The following GPC5 variants were observed in gnomAD, a reference collection of about 807,000 sequenced individuals.
GPC5 encodes the protein glypican-5.
In GPC5, 47 loss-of-function variants were observed where a neutral mutation model predicts 53.9. The ratio of observed to expected loss-of-function variants is 0.87; its 90% CI spans 0.69 to 1.11. The LOEUF is 1.11. Among genes scored for constraint, GPC5 ranks in the 50% most tolerant of loss-of-function variants. GPC5 has a pLI of 0.00. For missense variants in GPC5, 748 were observed against 713.1 expected, an observed-to-expected ratio of 1.05 and a Z score of -0.56; for synonymous variants, 286 against 263.3, an observed-to-expected ratio of 1.09 and a Z score of -0.84.
At chr13:91,403,571 C>G (rs1179558922) in intron 1 of GPC5, among the ~76,000 whole-genome samples, 1 of 152,136 alleles carries the variant, frequency 6.6e-6, no homozygotes, top group Non-Finnish European at 1.5e-5. Flanking sequence ...TTGTCCTCAT[C>G]CTTTTATACC....
At chr13:91,763,603 T>C (rs1408575455) in intron 5 of GPC5, among the ~76,000 whole-genome samples, 2 of 152,164 alleles carry the variant, frequency 1.3e-5, no homozygotes, top group Non-Finnish European at 2.9e-5. Context: ...ACATTCTAGG[T>C]TCAATTAGAC....
intron 7 of GPC5, among the ~76,000 whole-genome samples, chr13:92,724,869 T>TACATATAC (rs1204987708): frequency 1.2e-5 from 1 of 85,368 alleles, no homozygotes; most frequent in African/African-American, 4.0e-5. Context: ...TTAAGTGTCC[T>TACATATAC]ACACATACAC....
chr13:91,855,372 C>T (rs1359592138), intron 5 of GPC5, among the ~76,000 whole-genome samples: 1 of 151,510 alleles, frequency 6.6e-6, no homozygotes, highest in Non-Finnish European at 1.5e-5. Flanking sequence ...TATACTTTCC[C>T]CCAGCCATTA....
intron 2 of GPC5, among the ~76,000 whole-genome samples, chr13:91,452,831 G>A (rs1054931542): frequency 2.6e-5 from 4 of 151,790 alleles, no homozygotes; most frequent in African/African-American, 7.3e-5. Context: ...TATTTTAGAG[G>A]ACACTATTGG....
intron 6 of GPC5, among the ~76,000 whole-genome samples, chr13:92,074,112 C>T (rs1201614764): frequency 6.6e-6 from 1 of 152,074 alleles, no homozygotes; most frequent in African/African-American, 2.4e-5. Flanking sequence ...GCTGAAACAT[C>T]GTGAGTGAAT....
chr13:91,520,416 A>G (rs1389270481), intron 2 of GPC5, among the ~76,000 whole-genome samples: 1 of 152,180 alleles, frequency 6.6e-6, no homozygotes, highest in Non-Finnish European at 1.5e-5. Context: ...TAGACTTTGA[A>G]TAAAGTAGAT....
intron 3 of GPC5, among the ~76,000 whole-genome samples, chr13:91,725,399 T>C (rs2036556115): frequency 6.6e-6 from 1 of 152,142 alleles, no homozygotes; most frequent in South Asian, 2.1e-4. Context: ...GTACTAGTAT[T>C]GAAAGGTGCC....
intron 6 of GPC5, chr13:92,060,105 A>T (rs2138851474): frequency 1.3e-5 from 2 of 152,048 alleles, no homozygotes; most frequent in Non-Finnish European, 2.9e-5. Context: ...TAGAGTGCTG[A>T]TATGATTTTT....
intron 6 of GPC5, among the ~76,000 whole-genome samples, chr13:92,071,315 A>G (rs1323038860): frequency 6.6e-6 from 1 of 152,178 alleles, no homozygotes; most frequent in African/African-American, 2.4e-5. Context: ...GTACAATTCA[A>G]AAGTTAGCTG....
chr13:91,992,955 T>C (rs939864189), intron 6 of GPC5, among the ~76,000 whole-genome samples: 1 of 152,190 alleles, frequency 6.6e-6, no homozygotes, highest in African/African-American at 2.4e-5. Context: ...AATAAGATAG[T>C]TGTAACACAA....
chr13:91,795,455 T>G (rs2038031966), intron 5 of GPC5, among the ~76,000 whole-genome samples: 1 of 152,184 alleles, frequency 6.6e-6, no homozygotes, highest in African/African-American at 2.4e-5. Flanking sequence ...TAAATAGATA[T>G]TTTTATTGCT....
At chr13:91,541,104 A>C (rs749842802) in intron 2 of GPC5, among the ~76,000 whole-genome samples, 25 of 152,296 alleles carry the variant, frequency 1.6e-4, no homozygotes, top group Admixed American at 3.3e-4. Context: ...AATCAGTGTT[A>C]AGTCATAAGC....
chr13:92,838,872 A>C (rs534576447), intron 7 of GPC5, among the ~76,000 whole-genome samples: 1 of 152,346 alleles, frequency 6.6e-6, no homozygotes, highest in Admixed American at 6.5e-5. Flanking sequence ...CAAGTCAAAA[A>C]ATAACTCTAC....
chr13:92,462,718 C>CT (rs35798030), intron 7 of GPC5, among the ~76,000 whole-genome samples: 60,079 of 136,758 alleles, frequency 0.44, 13,325 homozygotes, highest in Admixed American at 0.54. Context: ...TTGTTCATGT[C>CT]TTTTTTTTTT....
At chr13:92,128,960 T>C (rs879145643) in intron 6 of GPC5, among the ~76,000 whole-genome samples, 57 of 151,912 alleles carry the variant, frequency 3.8e-4, no homozygotes, top group African/African-American at 1.4e-3. Flanking sequence ...GAGACTCCAT[T>C]TCAAAATAAA....
chr13:91,482,773 G>A (rs1055491005), intron 2 of GPC5, among the ~76,000 whole-genome samples: 5 of 151,984 alleles, frequency 3.3e-5, no homozygotes, highest in Admixed American at 1.3e-4. Context: ...CAATAGATGT[G>A]TGCGGTGGTC....
intron 6 of GPC5, among the ~76,000 whole-genome samples, chr13:92,026,828 T>C (rs2040804859): frequency 1.3e-5 from 2 of 152,146 alleles, no homozygotes; most frequent in Admixed American, 1.3e-4. Context: ...TCTGTGTCCA[T>C]AACAAAGATT....
intron 6 of GPC5, among the ~76,000 whole-genome samples, chr13:91,943,872 T>G (rs919833783): frequency 1.3e-5 from 2 of 152,146 alleles, no homozygotes; most frequent in African/African-American, 4.8e-5. Context: ...AAATGACTTT[T>G]TTTTTTAAGA....
chr13:92,395,690 A>G (rs896190712), intron 7 of GPC5, among the ~76,000 whole-genome samples: 3 of 152,142 alleles, frequency 2.0e-5, no homozygotes, highest in African/African-American at 7.2e-5. Context: ...GAATACAGAA[A>G]TCCAGGCTGG....
Sources: gnomAD v4.1 joint callset for allele counts (sites outside exome capture counted in the v4.1 genomes callset) on GRCh38, gnomAD v4.1.1 for gene constraint, MANE v1.5 for transcripts, NCBI Gene and HGNC (gene_info 2026-07-23, HGNC 2026-07-21) for gene names.